The following PCDHGA2 variants were observed in gnomAD, a reference collection of about 807,000 sequenced individuals.
PCDHGA2 encodes protocadherin gamma subfamily A, 2, also known as protocadherin gamma-A2.
In PCDHGA2, 40 loss-of-function variants were observed where a neutral mutation model predicts 59.2. That is an observed-to-expected ratio of 0.68 (90% confidence interval 0.52 to 0.88). PCDHGA2 has a LOEUF of 0.88. Ranked by LOEUF, PCDHGA2 falls within the 40% of genes least tolerant of loss-of-function variation. The probability of loss-of-function intolerance (pLI) is 0.00; values close to 1 mark genes in which losing one functional copy is unlikely to be tolerated. For missense variants in PCDHGA2, 1,226 were observed against 1,204.0 expected, an observed-to-expected ratio of 1.02 and a Z score of -0.27; for synonymous variants, 560 against 526.0, an observed-to-expected ratio of 1.06 and a Z score of -0.89.
chr5:141,417,828 A>G (rs1439385565), intron 1 of PCDHGA2: 1 of 1,521,792 alleles, frequency 6.6e-7, no homozygotes, highest in Non-Finnish European at 8.8e-7. Context: ...CCAACTGGAA[A>G]AGCGGGGACC....
chr5:141,485,726 C>G lies in PCDHGA2; in HGVS notation c.2425-9081C>G. On this transcript the variant is annotated intron_variant, in intron 1 of 3. Transcript: ENST00000394576. The surrounding 1 kb of genome is among the most constrained non-coding windows in gnomAD (Gnocchi z 5.7). ...ACACTTTGCACTGGATGTGAAGAAG[C>G]GCAGCGACGGCAGCCTGGTCCCAGA... 2 of 1,614,140 alleles carry G rather than the reference C, an allele frequency of 1.2e-6. No individual in the cohort carries two copies. The highest frequency in any genetic ancestry group is 1.1e-5 in the South Asian group (1 of 91,082).
intron 1 of PCDHGA2, chr5:141,413,019 C>T (rs1056458163): frequency 2.9e-6 from 2 of 683,106 alleles, no homozygotes; most frequent in Non-Finnish European, 4.7e-6. Flanking sequence ...ACTACACAAG[C>T]CCCACAAACC....
intron 1 of PCDHGA2, chr5:141,424,079 C>A: frequency 3.1e-6 from 3 of 973,190 alleles, no homozygotes; most frequent in African/African-American, 1.8e-5. Context: ...TAGTTATATT[C>A]CACCATTATT....
At chr5:141,349,592 A>C (rs1442009936) in intron 1 of PCDHGA2, among the ~76,000 whole-genome samples, 2 of 152,152 alleles carry the variant, frequency 1.3e-5, no homozygotes, top group Non-Finnish European at 2.9e-5. Context: ...TTTTTGCAAA[A>C]ACTATTTTTG....
At chr5:141,455,860 A>ATTATTTAT (rs145569377) in intron 1 of PCDHGA2, among the ~76,000 whole-genome samples, 155 of 139,844 alleles carry the variant, frequency 1.1e-3, no homozygotes, top group Non-Finnish European at 1.5e-3. Flanking sequence ...AATTTCTTTT[A>ATTATTTAT]TTATTTATTT....
Position 141,394,682 on chromosome 5 carries a change from G to A in PCDHGA2, c.2424+53287G>A, listed in dbSNP as rs546310598. 6.3e-5 allele frequency: 102 copies of A among 1,611,492 alleles called. No individual in the cohort carries two copies. The South Asian group carries it at 1.0e-3, about 16-fold the overall frequency. ...GACTCTTCTCGGTGGGTCTGCACAC[G>A]GGCGAGGTGCGCACGGCGCGAGCCC... On this transcript the variant is annotated intron_variant, in intron 1 of 3. Coordinates refer to ENST00000394576, the MANE Select transcript of PCDHGA2 (RefSeq NM_018915.4).
chr5:141,446,353 T>C (rs1278613929), intron 1 of PCDHGA2, among the ~76,000 whole-genome samples: 2 of 152,176 alleles, frequency 1.3e-5, no homozygotes, highest in Non-Finnish European at 2.9e-5. Flanking sequence ...AAGCTACCAT[T>C]TGATGAGAAT....
At chr5:141,382,959 G>A (rs994078805) in intron 1 of PCDHGA2, 3 of 1,607,324 alleles carry the variant, frequency 1.9e-6, no homozygotes, top group African/African-American at 1.3e-5. Flanking sequence ...CCATCCTCCT[G>A]GGGACCCCCT....
chr5:141,384,112 G>T (rs372458558), intron 1 of PCDHGA2: 2 of 1,605,392 alleles, frequency 1.2e-6, no homozygotes, highest in Non-Finnish European at 1.7e-6. Flanking sequence ...TTATAGATTG[G>T]TCACAACCAA....
chr5:141,382,893 G>A (rs1778536520), intron 1 of PCDHGA2: 1 of 1,534,786 alleles, frequency 6.5e-7, no homozygotes, highest in African/African-American at 1.4e-5. Flanking sequence ...AGAGAAGCAG[G>A]ACGACTATGG....
chr5:141,423,195 G>C, intron 1 of PCDHGA2: 14 of 1,613,544 alleles, frequency 8.7e-6, no homozygotes, highest in Non-Finnish European at 1.2e-5. Flanking sequence ...CCCCTCTCTC[G>C]GCCACCGTCA....
intron 1 of PCDHGA2, chr5:141,351,686 G>T (rs763397899): frequency 6.2e-7 from 1 of 1,613,970 alleles, no homozygotes; most frequent in African/African-American, 1.3e-5. Context: ...CTCCGACCCG[G>T]ATTTGGGACC....
At chr5:141,388,018 C>A (rs528825785) in intron 1 of PCDHGA2, 2 of 1,460,562 alleles carry the variant, frequency 1.4e-6, no homozygotes, top group African/African-American at 2.9e-5. Flanking sequence ...CCCAAGGGCT[C>A]CGTAGTGGGG....
At chr5:141,389,860 ACC>A (rs2091950057) in intron 1 of PCDHGA2, 1 of 1,613,934 alleles carries the variant, frequency 6.2e-7, no homozygotes, top group Non-Finnish European at 8.5e-7. Context: ...GCCACGTTGC[ACC>A]TGGTCTTCGC....
intron 1 of PCDHGA2, chr5:141,388,504 C>T: frequency 1.2e-6 from 2 of 1,613,808 alleles, no homozygotes; most frequent in Non-Finnish European, 1.7e-6. Context: ...AAGCAGAAAT[C>T]CTACCACTTG....
chr5:141,473,382 C>T (rs780229708), intron 1 of PCDHGA2, among the ~76,000 whole-genome samples: 3 of 152,190 alleles, frequency 2.0e-5, no homozygotes, highest in Non-Finnish European at 4.4e-5. Context: ...TGGTCCCTGC[C>T]CTCCTGGAGC....
chr5:141,423,562 A>C (rs374427537), intron 1 of PCDHGA2: 1 of 1,613,612 alleles, frequency 6.2e-7, no homozygotes, highest in African/African-American at 1.3e-5. Context: ...CTATGGGGAC[A>C]CGCTCATCAG....
At chr5:141,508,434 G>A (rs2099868795) in intron 3 of PCDHGA2, among the ~76,000 whole-genome samples, 1 of 152,160 alleles carries the variant, frequency 6.6e-6, no homozygotes, top group Admixed American at 6.5e-5. Flanking sequence ...AGCTCACACA[G>A]TTCCTTAGTG....
intron 1 of PCDHGA2, chr5:141,413,901 C>T (rs375828969): frequency 1.5e-5 from 24 of 1,613,244 alleles, no homozygotes; most frequent in African/African-American, 1.1e-4. Context: ...CAAATGACAA[C>T]GCGCCGGTCT....
Sources: gnomAD v4.1 joint callset for allele counts (sites outside exome capture counted in the v4.1 genomes callset) on GRCh38, gnomAD v4.1.1 for gene constraint, Gnocchi (gnomAD v3.1) non-coding constraint, MANE v1.5 for transcripts, NCBI Gene and HGNC (gene_info 2026-07-23, HGNC 2026-07-21) for gene names.